Variants in CFAP46 observed in about 807,000 individuals in gnomAD.
The protein encoded by CFAP46 is cilia and flagella associated protein 46.
Under a neutral mutation model 325.7 loss-of-function variants are expected in CFAP46, and 245 were observed. The observed-to-expected ratio is 0.75, with a 90% CI of 0.68 to 0.84. The LOEUF (loss-of-function observed/expected upper bound fraction) is 0.84, where lower values mean the gene tolerates loss of function less well. Among genes scored for constraint, CFAP46 ranks in the 40% least tolerant of loss-of-function variants. The pLI is 0.00. For synonymous variants in CFAP46, 1,523 were observed against 1,495.9 expected, an observed-to-expected ratio of 1.02 and a Z score of -0.42; for missense variants, 3,346 against 3,543.0, an observed-to-expected ratio of 0.94 and a Z score of 1.41.
At chr10:132,863,709 C>T (rs1383338170) in intron 35 of CFAP46, among the ~76,000 whole-genome samples, 3 of 149,628 alleles carry the variant, frequency 2.0e-5, no homozygotes, top group Non-Finnish European at 3.0e-5. Flanking sequence ...TGTCCCCCTG[C>T]CTGAGACCTG....
In CFAP46 at chr10:132,817,199, G is replaced by T. The variant is rs554774576; in HGVS notation, c.7118-2285C>A. ...GGCTATTTCATACCTCTGAGGAGGC[G>T]AACTTTCGATTCTCATGATGTCCAT... On this transcript the variant is annotated intron_variant, in intron 50 of 57. Coordinates refer to ENST00000368586, the MANE Select transcript of CFAP46 (RefSeq NM_001200049.3). This position sits in a 1 kb window ranked among gnomAD's most constrained non-coding sequence, Gnocchi z 4.4. Among the ~76,000 whole-genome samples the T allele has an allele frequency of 6.6e-6, 1 of 152,258 alleles. No individual in the cohort carries two copies. The highest frequency in any genetic ancestry group is 2.4e-5 in the African/African-American group (1 of 41,540).
At position 132,876,379 on chromosome 10, in the gene CFAP46, C is replaced by G. The variant is rs1024952231; in HGVS notation, c.4362+433G>C. ...TTGATCCACACAAAAGAGGAGGCCA[C>G]GTGACCACAGAGGCTGACCGGGATG... On this transcript the variant is annotated intron_variant, in intron 31 of 57. Coordinates refer to ENST00000368586, the MANE Select transcript of CFAP46 (RefSeq NM_001200049.3). This position sits in a 1 kb window ranked among gnomAD's most constrained non-coding sequence, Gnocchi z 4.1. Among the ~76,000 whole-genome samples, 1 of 152,228 alleles carries G rather than the reference C, an allele frequency of 6.6e-6. No homozygotes were observed. Among genetic ancestry groups the G allele is most frequent in the African/African-American group, 2.4e-5 (1 of 41,458 alleles).
intron 8 of CFAP46, among the ~76,000 whole-genome samples, chr10:132,933,856 C>T (rs1849951067): frequency 6.6e-6 from 1 of 152,248 alleles, no homozygotes; most frequent in African/African-American, 2.4e-5. Flanking sequence ...GACCCCTTCC[C>T]CAGTCCAGCC....
chr10:132,850,564 C>T, intron 40 of CFAP46, 132 bp from the exon 41 acceptor site: 2 of 890,332 alleles, frequency 2.2e-6, no homozygotes, highest in South Asian at 1.8e-5. Context: ...AAAGCCTTGC[C>T]CCGCAGGGAG....
chr10:132,881,236 A>G (rs1444690140), intron 27 of CFAP46, among the ~76,000 whole-genome samples: 3 of 152,168 alleles, frequency 2.0e-5, no homozygotes, highest in African/African-American at 4.8e-5. Flanking sequence ...TCTTTTCACA[A>G]GCAGAGGTGG....
chr10:132,833,969 G>T, intron 49 of CFAP46, 72 bp downstream of exon 49: 1 of 1,431,336 alleles, frequency 7.0e-7, no homozygotes, highest in Non-Finnish European at 9.8e-7. Flanking sequence ...CGGATGGGTG[G>T]GTGGATCCCA....
chr10:132,808,554 G>C lies in CFAP46; in HGVS notation c.8015C>G (p.Pro2672Arg). ...GCTCCAGCCCCGACGCAGACCCCAT[G>C]GCGCACACAGGCAGGCAGAGCTCGA... is the stretch of plus-strand genomic sequence containing the variant. ...WTSSSACLCA[P>R]WGLRRGWSCV... Residue 2672 changes from proline to arginine, a missense_variant, in exon 58 of 58, where the codon CCA (proline) becomes CGA (arginine). By Grantham distance (103) the Pro-to-Arg change is moderately radical. Transcript: ENST00000368586. This position sits in a 1 kb window ranked among gnomAD's most constrained non-coding sequence, Gnocchi z 6.8. The C allele has an allele frequency of 6.2e-7, 1 of 1,612,986 alleles. No individual in the cohort carries two copies. The highest frequency in any genetic ancestry group is 1.3e-5 in the African/African-American group (1 of 75,054).
chr10:132,907,330 T>C (rs969937533), intron 22 of CFAP46, among the ~76,000 whole-genome samples: 2 of 152,144 alleles, frequency 1.3e-5, no homozygotes, highest in Non-Finnish European at 2.9e-5. Flanking sequence ...TATTCAAAAA[T>C]TGGGGAAAGA....
In CFAP46 at chr10:132,929,793, A is replaced by G. The variant is rs1849865044; in HGVS notation, c.878T>C (p.Leu293Pro). ...CAAGGAAAAACGCGCCAATTCAAAA[A>G]GCAAAAGCATTCTGCAAACAAACAA... ...PSISEEKMLL[L>P]FELARFSLTL... Residue 293 changes from leucine to proline, a missense_variant, in exon 9 of 58, where the codon CTT becomes CCT. Leu to Pro is a moderately conservative substitution (Grantham distance 98). Transcript: ENST00000368586. The G allele has an allele frequency of 6.2e-7, 1 of 1,608,466 alleles. No homozygotes were observed. Among genetic ancestry groups the G allele is most frequent in the African/African-American group, 1.3e-5 (1 of 74,932 alleles).
rs1431519737 is a variant in CFAP46, at chr10:132,833,826, G to C, written c.6949+215C>G. Among the ~76,000 whole-genome samples the C allele has an allele frequency of 2.6e-5, 4 of 152,226 alleles. 1 individual carries two copies. The South Asian group carries it at 8.3e-4, about 32-fold the overall frequency. On this transcript the variant is annotated intron_variant, in intron 49 of 57. Coordinates refer to ENST00000368586, the MANE Select transcript of CFAP46 (RefSeq NM_001200049.3). ...TGGTGCTCTCAGGAGGCTTGGCACA[G>C]AGCCTCCTACCCAGAGGGCTGGTCC...
chr10:132,933,684 G>C (rs993372083), intron 8 of CFAP46, among the ~76,000 whole-genome samples: 2 of 152,222 alleles, frequency 1.3e-5, no homozygotes, highest in Admixed American at 1.3e-4. Context: ...CAGCTGAGCA[G>C]CGGAGACCTC....
chr10:132,823,759 TG>T, intron 50 of CFAP46, among the ~76,000 whole-genome samples: 1 of 110,640 alleles, frequency 9.0e-6, no homozygotes, highest in Non-Finnish European at 2.1e-5. Context: ...ATGTGTGCTG[TG>T]TGTGTGCTGT....
rs140799172 is a variant in CFAP46, at chr10:132,814,860, G to C, written c.7172C>G (p.Ala2391Gly). ...CCCACCCACCTTCCTGCCCTTCTTC[G>C]CTAGGCTTCTCTTTTTGGGGTCTCT... Reference protein sequence around the residue: ...RSRDPKKRSLAKKGRKGSIPR... With the variant: ...RSRDPKKRSLGKKGRKGSIPR... Residue 2391 changes from alanine to glycine, a missense_variant, in exon 51 of 58, where the codon GCG (alanine) becomes GGG (glycine). Ala to Gly is a moderately conservative substitution (Grantham distance 60). Transcript: ENST00000368586. 5 of 1,614,016 alleles carry C rather than the reference G, an allele frequency of 3.1e-6. No individual in the cohort carries two copies. Among genetic ancestry groups the C allele is most frequent in the African/African-American group, 1.3e-5 (1 of 74,920 alleles).
chr10:132,942,144 G>C (rs1413275882), intron 1 of CFAP46, 40 bp from the exon 2 acceptor site: 6 of 1,549,188 alleles, frequency 3.9e-6, no homozygotes, highest in Admixed American at 3.9e-5. Flanking sequence ...TGGTCACTGG[G>C]CTGGGAGAAG....
In CFAP46 at chr10:132,889,732, C is replaced by T. The variant is rs937093249; in HGVS notation, c.3304+2601G>A. Among the ~76,000 whole-genome samples, 4 of 152,308 alleles carry T rather than the reference C, an allele frequency of 2.6e-5. No homozygotes were observed. Among genetic ancestry groups the T allele is most frequent in the African/African-American group, 4.8e-5 (2 of 41,558 alleles). ...TTCCTGTGGACCGTCTCCTCCTCCC[C>T]GGAGGCCGTCAGCTCCATGGTGCCT... On this transcript the variant is annotated intron_variant, in intron 25 of 57. Transcript: ENST00000368586. The surrounding 1 kb of genome is among the most constrained non-coding windows in gnomAD (Gnocchi z 6.0).
rs566590048 is a variant in CFAP46 at position 132,892,427 on chromosome 10, C to T, written c.3220-10G>A. 2.3e-5 allele frequency: 36 copies of T among 1,550,240 alleles called. No individual in the cohort carries two copies. Among genetic ancestry groups the T allele is most frequent in the Admixed American group, 1.4e-4 (7 of 50,964 alleles). On this transcript the variant is annotated splice_polypyrimidine_tract_variant and intron_variant, in intron 24 of 57. Coordinates refer to ENST00000368586, the MANE Select transcript of CFAP46 (RefSeq NM_001200049.3). ...GCGTCTTTCCTTTCTCCTAAAGTAA[C>T]GCAAGTAAACGACACGTATATTTGA...
In CFAP46 at chr10:132,846,199, T is replaced by C; in HGVS notation, c.6296A>G (p.Asp2099Gly). Residue 2099 changes from aspartate (D) to glycine (G), a missense_variant, in exon 44 of 58, where the codon GAT (aspartate) becomes GGT (glycine). Asp to Gly is a moderately conservative substitution (Grantham distance 94). Transcript: ENST00000368586. ...GTTGGCTGTGGCTGCAAGCAGGACA[T>C]CCCTCATCGTCTCTGAGGCCGAGCA... Reference protein sequence around the residue: ...QSCSASETMRDVLLAATANTS... With the variant: ...QSCSASETMRGVLLAATANTS... The C allele has an allele frequency of 6.2e-7, 1 of 1,612,044 alleles. No homozygotes were observed. The highest frequency in any genetic ancestry group is 8.5e-7 in the Non-Finnish European group (1 of 1,179,674).
At chr10:132,819,777 C>T (rs955575546) in intron 50 of CFAP46, among the ~76,000 whole-genome samples, 7 of 152,272 alleles carry the variant, frequency 4.6e-5, no homozygotes, top group East Asian at 3.9e-4. Flanking sequence ...AGACCTGAAA[C>T]GATAAAACTA....
Position 132,827,433 on chromosome 10 carries a change from C to G in CFAP46, c.7117+5925G>C, listed in dbSNP as rs766888379. Among the ~76,000 whole-genome samples, 1 of 152,076 alleles carries G rather than the reference C, an allele frequency of 6.6e-6. No homozygotes were observed. Among genetic ancestry groups the G allele is most frequent in the Non-Finnish European group, 1.5e-5 (1 of 68,024 alleles). ...GACCTCCTCCTTCAAGGATCCACTT[C>G]GCACATGTGCCCTTCTGCAAACTTC... On this transcript the variant is annotated intron_variant, in intron 50 of 57. Coordinates refer to ENST00000368586, the MANE Select transcript of CFAP46 (RefSeq NM_001200049.3). The surrounding 1 kb of genome is among the most constrained non-coding windows in gnomAD (Gnocchi z 5.7).
Sources: allele counts gnomAD v4.1 joint callset (sites outside exome capture counted in the v4.1 genomes callset), GRCh38; gene constraint gnomAD v4.1.1; non-coding constraint Gnocchi (gnomAD v3.1); transcripts MANE v1.5; gene names NCBI Gene and HGNC (gene_info 2026-07-23, HGNC 2026-07-21).